Variants in ZBTB45 observed in about 807,000 individuals in gnomAD.
The protein encoded by ZBTB45 is zinc finger and BTB domain containing 45, also known as zinc finger and BTB domain-containing protein 45.
ZBTB45 carries 22 observed loss-of-function variants against 28.4 expected under a neutral mutation model. That is an observed-to-expected ratio of 0.77 (90% CI 0.55 to 1.10). ZBTB45 has a LOEUF of 1.10. Ranked by LOEUF, ZBTB45 falls within the 50% of genes least tolerant of loss-of-function variation. The pLI is 0.00. For synonymous variants in ZBTB45, 361 were observed against 332.3 expected (o/e 1.09, Z -0.94); for missense variants, 656 against 750.2 (o/e 0.87, Z 1.47).
At chr19:58,535,825 G>A (rs1387594785) in intron 1 of ZBTB45, among the ~76,000 whole-genome samples, 1 of 152,198 alleles carries the variant, frequency 6.6e-6, no homozygotes, top group Admixed American at 6.5e-5. Context: ...GATCCACCAA[G>A]AAGTGGGCTC....
At position 58,515,324 on chromosome 19, in the gene ZBTB45, T is replaced by A. The variant is rs1398350613; in HGVS notation, c.1280-1014A>T. The stretch of plus-strand genomic sequence containing the variant: ...GAGGGAGACTCGGTCTCAAAAAAAA[T>A]TAAAAAAAAAAAAACCCTATCTCAG... On this transcript the variant is annotated intron_variant, in intron 2 of 2. Coordinates refer to ENST00000594051, the MANE Select transcript of ZBTB45 (RefSeq NM_001316979.2). This position sits in a 1 kb window ranked among gnomAD's most constrained non-coding sequence, Gnocchi z 4.7. Among the ~76,000 whole-genome samples the A allele has an allele frequency of 1.9e-5, 2 of 106,116 alleles. No individual in the cohort carries two copies. The highest frequency in any genetic ancestry group is 4.7e-5 in the Non-Finnish European group (2 of 42,260). 69.6% of individuals were successfully genotyped at this position (106,116 alleles called of 152,430 possible).
At chr19:58,533,623 C>A (rs986034037) in intron 1 of ZBTB45, among the ~76,000 whole-genome samples, 1 of 152,030 alleles carries the variant, frequency 6.6e-6, no homozygotes, top group African/African-American at 2.4e-5. Flanking sequence ...TAACAGGAAT[C>A]ATAGTGATTC....
chr19:58,536,141 G>A (rs2053658924), intron 1 of ZBTB45, among the ~76,000 whole-genome samples: 1 of 151,836 alleles, frequency 6.6e-6, no homozygotes. Flanking sequence ...GCAGTGCCTG[G>A]CCAACATGGT....
In ZBTB45 at chr19:58,517,000, C is replaced by G. The variant is rs770391135; in HGVS notation, c.674G>C (p.Gly225Ala). Residue 225 changes from glycine to alanine, a missense_variant, in exon 2 of 3, where the codon GGT becomes GCT. Transcript: ENST00000594051. This position sits in a 1 kb window ranked among gnomAD's most constrained non-coding sequence, Gnocchi z 6.2. The part of the protein sequence containing the change: ...DDETDGEDGE[G>A]GGPGEGQAPP... The stretch of plus-strand genomic sequence containing the variant: ...TGCCTGGCCCTCGCCTGGGCCGCCA[C>G]CTTCGCCATCCTCGCCATCGGTCTC... 2 of 1,613,058 alleles carry G rather than the reference C, an allele frequency of 1.2e-6. No homozygotes were observed. Among genetic ancestry groups the G allele is most frequent in the African/African-American group, 2.7e-5 (2 of 74,932 alleles).
intron 1 of ZBTB45, among the ~76,000 whole-genome samples, chr19:58,528,676 C>G (rs375443328): frequency 6.6e-6 from 1 of 152,046 alleles, no homozygotes; most frequent in Non-Finnish European, 1.5e-5. Flanking sequence ...GGGCGGATCA[C>G]GAGGTCAGGA....
Position 58,514,281 on chromosome 19 carries a change from A to G in ZBTB45, c.1309T>C (p.Trp437Arg). The G allele has an allele frequency of 6.2e-7, 1 of 1,608,220 alleles. No individual in the cohort carries two copies. Among genetic ancestry groups the G allele is most frequent in the East Asian group, 2.2e-5 (1 of 44,722 alleles). ...GEKPHQCAVC[W>R]RSFSLRDYLL... ...TAGTCGCGTAGAGAGAAGGATCGCC[A>G]GCACACGGCGCACTGGTGCGGCTTC... Residue 437 changes from tryptophan to arginine, a missense_variant, in exon 3 of 3, where the codon TGG (tryptophan) becomes CGG (arginine). This residue lies in a region of ZBTB45 where 103 missense variants were observed against 153.5 expected (regional missense o/e 0.67). Coordinates refer to ENST00000594051, the MANE Select transcript of ZBTB45 (RefSeq NM_001316979.2).
At chr19:58,526,867 G>A (rs187692048) in intron 1 of ZBTB45, among the ~76,000 whole-genome samples, 12 of 151,940 alleles carry the variant, frequency 7.9e-5, no homozygotes, top group African/African-American at 2.9e-4. Flanking sequence ...TCACTCTGTC[G>A]CCCAGCCTGG....
chr19:58,517,681 G>A lies in ZBTB45; in HGVS notation c.1-8C>T. ...AGCCTCTGCAGCCGCCATCTGCACA[G>A]AACAAGAGGAGGGCAGGGAGAGGTC... is the stretch of plus-strand genomic sequence containing the variant. On this transcript the variant is annotated splice_polypyrimidine_tract_variant and splice_region_variant and intron_variant, in intron 1 of 2. Coordinates refer to ENST00000594051, the MANE Select transcript of ZBTB45 (RefSeq NM_001316979.2). 1.2e-6 allele frequency: 2 copies of A among 1,608,050 alleles called. No individual in the cohort carries two copies. Among genetic ancestry groups the A allele is most frequent in the East Asian group, 2.2e-5 (1 of 44,740 alleles).
chr19:58,524,344 G>A (rs113863250), upstream of ZBTB45, among the ~76,000 whole-genome samples: 49 of 151,718 alleles, frequency 3.2e-4, no homozygotes, highest in African/African-American at 1.1e-3. Flanking sequence ...CAGCCTGGGC[G>A]ACAAGAGCAA....
At chr19:58,536,944 C>T (rs12052202) in intron 1 of ZBTB45, among the ~76,000 whole-genome samples, 9,696 of 152,138 alleles carry the variant, frequency 0.064, 562 homozygotes, top group East Asian at 0.32. Flanking sequence ...AAGGGAGAGA[C>T]GTGGTAAAGT....
intron 1 of ZBTB45, among the ~76,000 whole-genome samples, chr19:58,525,923 C>T (rs1321827125): frequency 6.6e-6 from 1 of 152,200 alleles, no homozygotes; most frequent in Non-Finnish European, 1.5e-5. Context: ...TGGATTAATT[C>T]TGAAGAGTTT....
At position 58,514,204 on chromosome 19, in the gene ZBTB45, G is replaced by T. The variant is rs749834472; in HGVS notation, c.1386C>A (p.Ala462=). 1.2e-6 allele frequency: 2 copies of T among 1,612,566 alleles called. No homozygotes were observed. Among genetic ancestry groups the T allele is most frequent in the Non-Finnish European group, 1.7e-6 (2 of 1,179,636 alleles). Residue 462 remains alanine, a synonymous_variant, in exon 3 of 3, where the codon GCC becomes GCA. Transcript: ENST00000594051. Reference sequence around the variant, plus strand: ...TCTGCGTGAAGCGCTTGGCGCAGACGGCGCACTGGAAGGCGCGCACGCCGG... The same window carrying T: ...TCTGCGTGAAGCGCTTGGCGCAGACTGCGCACTGGAAGGCGCGCACGCCGG... ...THTGVRAFQC[A]VCAKRFTQKS... is the part of the protein sequence containing the mutation.
rs1365884086 is a variant in ZBTB45, at chr19:58,517,191, G to C, written c.483C>G (p.Pro161=). The C allele has an allele frequency of 3.1e-5, 49 of 1,606,068 alleles. No homozygotes were observed. Among genetic ancestry groups the C allele is most frequent in the Non-Finnish European group, 3.9e-5 (46 of 1,176,620 alleles). ...TGTGTGCAGCACCGGGGTGCCCCGG[G>C]GGACGTGCAGCCAGCAGGTGGCGCA... ...HRLRHLLAAR[P]PGHPGAAHSR... The change falls in exon 2 of 3, where the codon CCC becomes CCG. Residue 161 remains proline (P), a synonymous_variant. Transcript: ENST00000594051.
chr19:58,513,858 G>A lies in ZBTB45; in HGVS notation c.*196C>T. 1.6e-6 allele frequency: 1 copy of A among 624,336 alleles called. No homozygotes were observed. Among genetic ancestry groups the A allele is most frequent in the Non-Finnish European group, 2.4e-6 (1 of 416,388 alleles). The allele number at this position is 624,336 out of a possible 1,614,324, so 38.7% of individuals were successfully genotyped here. A position where few individuals can be genotyped will look rare whatever the true frequency, so the allele number is the denominator to read the frequency against. ...CCCCAGCCCCAGCCCGGCACCACCT[G>A]GAGGGTTCAAGTACATGGAGGAGAG... is the stretch of plus-strand genomic sequence containing the variant. On this transcript the variant is annotated 3_prime_UTR_variant, in exon 3 of 3. Coordinates refer to ENST00000594051, the MANE Select transcript of ZBTB45 (RefSeq NM_001316979.2).
intron 1 of ZBTB45, among the ~76,000 whole-genome samples, chr19:58,530,332 G>A (rs1242513939): frequency 2.0e-5 from 3 of 151,628 alleles, no homozygotes; most frequent in Non-Finnish European, 4.4e-5. Flanking sequence ...TTTTTGAGAC[G>A]GAATTTTGCT....
intron 1 of ZBTB45, among the ~76,000 whole-genome samples, chr19:58,531,369 C>T (rs2053634938): frequency 6.6e-6 from 1 of 152,144 alleles, no homozygotes; most frequent in African/African-American, 2.4e-5. Flanking sequence ...GGGATCGTGT[C>T]ATCAACCCTA....
intron 1 of ZBTB45, among the ~76,000 whole-genome samples, chr19:58,530,209 G>GCAAACACA (rs1555797434): frequency 2.0e-5 from 3 of 148,508 alleles, no homozygotes; most frequent in African/African-American, 7.4e-5. Flanking sequence ...GAGAGCGCAT[G>GCAAACACA]CACACACACA....
intron 1 of ZBTB45, chr19:58,519,012 C>T (rs2053551505): frequency 6.6e-6 from 1 of 152,502 alleles, no homozygotes; most frequent in Non-Finnish European, 1.5e-5. Context: ...CAGACCACTT[C>T]GAGCACCTCC....
intron 1 of ZBTB45, among the ~76,000 whole-genome samples, chr19:58,531,831 T>A (rs776580320): frequency 5.9e-5 from 9 of 152,208 alleles, no homozygotes; most frequent in Non-Finnish European, 1.0e-4. Context: ...GGCATCTATG[T>A]CCTTTTAACA....
Sources: gnomAD v4.1 joint callset for allele counts (sites outside exome capture counted in the v4.1 genomes callset) on GRCh38, gnomAD v4.1.1 for gene constraint, gnomAD v4.1.1 regional missense constraint, Gnocchi (gnomAD v3.1) non-coding constraint, MANE v1.5 for transcripts, NCBI Gene and HGNC (gene_info 2026-07-23, HGNC 2026-07-21) for gene names.